The following CDKAL1 variants were observed in gnomAD, a reference collection of about 807,000 sequenced individuals.
CDKAL1 encodes threonylcarbamoyladenosine tRNA methylthiotransferase.
CDKAL1 carries 32 observed loss-of-function variants against 68.2 expected under a neutral mutation model. The observed-to-expected ratio is 0.47, with a 90% confidence interval of 0.35 to 0.63. CDKAL1 has a LOEUF of 0.63. Among genes scored for constraint, CDKAL1 ranks in the 30% least tolerant of loss-of-function variants. The pLI is 0.00. For synonymous variants in CDKAL1, 234 were observed against 244.3 expected (o/e 0.96, Z 0.39); for missense variants, 606 against 696.7 (o/e 0.87, Z 1.47).
intron 11 of CDKAL1, among the ~76,000 whole-genome samples, chr6:21,015,639 C>T (rs116576995): frequency 6.6e-6 from 1 of 151,948 alleles, no homozygotes; most frequent in Non-Finnish European, 1.5e-5. Context: ...TTTCAAGAAT[C>T]GTGATAGCCG....
chr6:20,634,197 G>T (rs9465847), intron 4 of CDKAL1, among the ~76,000 whole-genome samples: 28,895 of 152,068 alleles, frequency 0.19, 2,862 homozygotes, highest in East Asian at 0.37. Context: ...GTTAGGGCCT[G>T]CTCCTTTACT....
intron 13 of CDKAL1, among the ~76,000 whole-genome samples, chr6:21,174,559 A>G (rs1777508019): frequency 6.6e-6 from 1 of 152,172 alleles, no homozygotes; most frequent in Admixed American, 6.5e-5. Context: ...CAAAAACTAC[A>G]AAAAAATATT....
chr6:20,782,520 T>C (rs996552442), intron 8 of CDKAL1, among the ~76,000 whole-genome samples: 2 of 152,180 alleles, frequency 1.3e-5, no homozygotes, highest in Admixed American at 6.5e-5. Context: ...TCAAACATTA[T>C]AATACTTTCC....
At chr6:21,070,585 G>T (rs187803333) in intron 12 of CDKAL1, among the ~76,000 whole-genome samples, 1 of 150,778 alleles carries the variant, frequency 6.6e-6, no homozygotes, top group Non-Finnish European at 1.5e-5. Context: ...GTGTTTTTTC[G>T]CCCTGTGTCC....
chr6:20,794,978 A>C (rs920155782), intron 8 of CDKAL1, among the ~76,000 whole-genome samples: 30 of 152,182 alleles, frequency 2.0e-4, no homozygotes, highest in African/African-American at 7.2e-4. Flanking sequence ...AGAGGAAAAC[A>C]GTGAGATTAT....
At chr6:20,773,522 G>A (rs555168009) in intron 7 of CDKAL1, among the ~76,000 whole-genome samples, 1 of 152,052 alleles carries the variant, frequency 6.6e-6, no homozygotes, top group South Asian at 2.1e-4. Context: ...TGATATGTAC[G>A]GTACATTTAT....
At chr6:20,850,185 T>C (rs1758933869) in intron 9 of CDKAL1, among the ~76,000 whole-genome samples, 1 of 152,182 alleles carries the variant, frequency 6.6e-6, no homozygotes, top group Admixed American at 6.5e-5. Context: ...AGTTACTCTA[T>C]AATGAAAAAC....
chr6:21,004,521 A>G (rs1561953894), intron 11 of CDKAL1, among the ~76,000 whole-genome samples: 1 of 152,234 alleles, frequency 6.6e-6, no homozygotes, highest in African/African-American at 2.4e-5. Flanking sequence ...TTCTATTCAG[A>G]TTTATTAATC....
intron 4 of CDKAL1, among the ~76,000 whole-genome samples, chr6:20,629,968 C>T (rs1767601997): frequency 6.6e-6 from 1 of 152,174 alleles, no homozygotes; most frequent in Admixed American, 6.5e-5. Flanking sequence ...ATTCTCTTCT[C>T]TCAGCCTCCT....
chr6:20,549,619 T>C lies in CDKAL1; in HGVS notation c.286+914T>C, dbSNP rs1051869805. 1.1e-3 allele frequency among the ~76,000 whole-genome samples: 120 copies of C among 114,178 alleles called. 2 individuals are homozygous for C. The highest frequency in any genetic ancestry group is 0.01 in the South Asian group (36 of 3,580). The allele number at this position is 114,178 out of a possible 152,430, so 74.9% of individuals were successfully genotyped here. On this transcript the variant is annotated intron_variant, in intron 4 of 15. Coordinates refer to ENST00000274695, the MANE Select transcript of CDKAL1 (RefSeq NM_017774.3). ...ATTTATTTATTTATTTATTTATTTA[T>C]TTACTTTGAGATGGGGTCTCTTTGT...
At chr6:20,782,953 T>C (rs983423498) in intron 8 of CDKAL1, among the ~76,000 whole-genome samples, 1 of 152,074 alleles carries the variant, frequency 6.6e-6, no homozygotes, top group African/African-American at 2.4e-5. Context: ...TTTTTTGAGA[T>C]GGAGTCTCCC....
chr6:20,945,943 T>G (rs570089880), intron 9 of CDKAL1, among the ~76,000 whole-genome samples: 1 of 152,214 alleles, frequency 6.6e-6, no homozygotes, highest in South Asian at 2.1e-4. Flanking sequence ...TATCTGTCAT[T>G]TTTTTCCTGC....
chr6:20,629,313 T>A (rs1361641415), intron 4 of CDKAL1, among the ~76,000 whole-genome samples: 2 of 152,198 alleles, frequency 1.3e-5, no homozygotes, highest in South Asian at 4.1e-4. Flanking sequence ...TCTTATCAAG[T>A]AACACCTGAC....
chr6:21,048,330 T>C (rs2150907038), intron 11 of CDKAL1, among the ~76,000 whole-genome samples: 1 of 152,284 alleles, frequency 6.6e-6, no homozygotes, highest in East Asian at 1.9e-4. Context: ...CGGGGTAAAC[T>C]GAATGCAGGG....
intron 13 of CDKAL1, among the ~76,000 whole-genome samples, chr6:21,150,689 A>G (rs1413463802): frequency 2.0e-5 from 3 of 152,208 alleles, no homozygotes; most frequent in Non-Finnish European, 4.4e-5. Context: ...ATTCCCATGA[A>G]GTCCCATGAA....
chr6:21,056,360 T>C (rs890129373), intron 11 of CDKAL1, among the ~76,000 whole-genome samples: 1 of 152,312 alleles, frequency 6.6e-6, no homozygotes, highest in Non-Finnish European at 1.5e-5. Context: ...TTGTGATTTT[T>C]GCACCTTGAT....
At chr6:21,116,942 C>G (rs1244123998) in intron 13 of CDKAL1, among the ~76,000 whole-genome samples, 1 of 152,128 alleles carries the variant, frequency 6.6e-6, no homozygotes, top group Non-Finnish European at 1.5e-5. Context: ...GTCACTGTGC[C>G]AAGAGCCAGA....
chr6:20,574,551 A>AT (rs1361181079), intron 4 of CDKAL1, among the ~76,000 whole-genome samples: 1 of 152,126 alleles, frequency 6.6e-6, no homozygotes, highest in Non-Finnish European at 1.5e-5. Context: ...ATCAAGGTTA[A>AT]TTTTTATCAA....
intron 6 of CDKAL1, among the ~76,000 whole-genome samples, chr6:20,753,957 ATGTGTGTGTGTGTG>A (rs112105313): frequency 6.8e-6 from 1 of 147,700 alleles, no homozygotes; most frequent in African/African-American, 2.5e-5. Context: ...TATTATCTGT[ATGTGTGTGTGTGTG>A]TGTGTGTGTG....
Sources: gnomAD v4.1 joint callset for allele counts (sites outside exome capture counted in the v4.1 genomes callset) on GRCh38, gnomAD v4.1.1 for gene constraint, MANE v1.5 for transcripts, NCBI Gene and HGNC (gene_info 2026-07-23, HGNC 2026-07-21) for gene names.